The following ADAMTS3 variants were observed in gnomAD, a reference collection of about 807,000 sequenced individuals.
The protein encoded by ADAMTS3 is ADAM metallopeptidase with thrombospondin type 1 motif 3.
A neutral mutation model predicts 129.0 loss-of-function variants in ADAMTS3; 73 were observed. The observed-to-expected ratio is 0.57, with a 90% CI of 0.47 to 0.69. The LOEUF is 0.69. Ranked by LOEUF, ADAMTS3 falls within the 30% of genes least tolerant of loss-of-function variation. ADAMTS3 has a pLI of 0.00. For missense variants in ADAMTS3, 1,457 were observed against 1,514.5 expected (o/e 0.96, Z 0.63); for synonymous variants, 477 against 510.8 (o/e 0.93, Z 0.89).
At position 72,290,911 on chromosome 4, in the gene ADAMTS3, G is replaced by A. The variant is rs375983592; in HGVS notation, c.2875C>T (p.Arg959Trp). The change falls in exon 20 of 22, where the codon CGG (arginine) becomes TGG (tryptophan). Residue 959 changes from arginine (R) to tryptophan (W), a missense_variant. Arg to Trp is a moderately radical substitution (Grantham distance 101, BLOSUM62 -3). Coordinates refer to ENST00000286657, the MANE Select transcript of ADAMTS3 (RefSeq NM_014243.3). ...YCMGDRPESR[R>W]PCNRVPCPAQ... ...GGGCAGGGCACTCTGTTACAGGGCC[G>A]GCGGCTCTCGGGACGGTCACCCATG... The A allele has an allele frequency of 6.2e-6, 10 of 1,613,928 alleles. No homozygotes were observed. The highest frequency in any genetic ancestry group is 4.4e-5 in the South Asian group (4 of 91,082).
intron 4 of ADAMTS3, among the ~76,000 whole-genome samples, chr4:72,385,499 T>C (rs1042244732): frequency 1.3e-5 from 2 of 151,972 alleles, no homozygotes; most frequent in Non-Finnish European, 2.9e-5. Flanking sequence ...ATATCAATAA[T>C]TACATTAAGT....
At chr4:72,478,280 G>C (rs1719303688) in intron 3 of ADAMTS3, among the ~76,000 whole-genome samples, 1 of 151,780 alleles carries the variant, frequency 6.6e-6, no homozygotes, top group South Asian at 2.1e-4. Flanking sequence ...GAACATTGAT[G>C]CAAAAATCCT....
rs1721937898 is a variant in ADAMTS3 at position 72,402,017 on chromosome 4, C to G, written c.661+12798G>C. On this transcript the variant is annotated intron_variant, in intron 4 of 21. Coordinates refer to ENST00000286657, the MANE Select transcript of ADAMTS3 (RefSeq NM_014243.3). ...CTCATTGAATTAGTTATTATGAAAA[C>G]AGCATCAAGGTAATATATCACTATG... Among the ~76,000 whole-genome samples the G allele has an allele frequency of 2.6e-5, 4 of 152,282 alleles. No individual in the cohort carries two copies. In the South Asian group the frequency reaches 8.3e-4, roughly 32 times the overall value.
chr4:72,362,777 A>G (rs913878001), intron 4 of ADAMTS3, among the ~76,000 whole-genome samples: 22 of 152,134 alleles, frequency 1.4e-4, no homozygotes, highest in African/African-American at 5.1e-4. Context: ...TTTTAACAAC[A>G]GTTGTGAAAA....
In ADAMTS3 at chr4:72,283,193, T is replaced by A; in HGVS notation, c.3561A>T (p.Lys1187Asn). The change falls in exon 22 of 22, where the codon AAA becomes AAT. Residue 1187 changes from lysine (K) to asparagine (N), a missense_variant. Lys to Asn is a moderately conservative substitution (Grantham distance 94, BLOSUM62 0). Transcript: ENST00000286657. Reference protein sequence around the residue: ...GASSQARTSKKDGKIIDNRRP... With the variant: ...GASSQARTSKNDGKIIDNRRP... ...GTCTGTTGTCAATGATCTTTCCATC[T>A]TTCTTTGAGGTTCTTGCCTGAGAAG... 6 of 1,613,876 alleles carry A rather than the reference T, an allele frequency of 3.7e-6. No homozygotes were observed. The highest frequency in any genetic ancestry group is 5.1e-6 in the Non-Finnish European group (6 of 1,179,856).
At chr4:72,357,120 G>C (rs1720599758) in intron 4 of ADAMTS3, among the ~76,000 whole-genome samples, 1 of 151,820 alleles carries the variant, frequency 6.6e-6, no homozygotes, top group African/African-American at 2.4e-5. Flanking sequence ...ACAATATCAA[G>C]CACTGAATGA....
intron 3 of ADAMTS3, among the ~76,000 whole-genome samples, chr4:72,506,691 G>A (rs1056556636): frequency 1.3e-5 from 2 of 152,164 alleles, no homozygotes; most frequent in East Asian, 1.9e-4. Context: ...GAAACAGAGC[G>A]TTCTTCCTTG....
Position 72,311,130 on chromosome 4 carries a change from G to A in ADAMTS3, c.1973C>T (p.Ala658Val), listed in dbSNP as rs765749628. 9 of 1,612,446 alleles carry A rather than the reference G, an allele frequency of 5.6e-6. No homozygotes were observed. The highest frequency in any genetic ancestry group is 7.6e-6 in the Non-Finnish European group (9 of 1,178,968). The change falls in exon 14 of 22, where the codon GCT (alanine) becomes GTT (valine). Residue 658 changes from alanine to valine, a missense_variant. Ala to Val is a moderately conservative substitution (Grantham distance 64). Transcript: ENST00000286657. ...ATCATGCACCAGTTGTTTCATGTAAGCAACATCTCCAGTCTCCTTGGACTG... is the reference window on the plus strand; with the variant it reads ...ATCATGCACCAGTTGTTTCATGTAAACAACATCTCCAGTCTCCTTGGACTG... ...YCQSKETGDV[A>V]YMKQLVHDGT... is the part of the protein sequence containing the mutation.
At chr4:72,381,900 T>C (rs1721298982) in intron 4 of ADAMTS3, among the ~76,000 whole-genome samples, 1 of 152,184 alleles carries the variant, frequency 6.6e-6, no homozygotes, top group African/African-American at 2.4e-5. Context: ...GGATAGATCT[T>C]TGGGAATGGG....
At chr4:72,485,540 T>C (rs923925203) in intron 3 of ADAMTS3, among the ~76,000 whole-genome samples, 18 of 152,122 alleles carry the variant, frequency 1.2e-4, no homozygotes, top group African/African-American at 4.3e-4. Context: ...TGGAAAAATA[T>C]GTTCACAATA....
At chr4:72,407,487 C>G (rs190588546) in intron 4 of ADAMTS3, among the ~76,000 whole-genome samples, 12 of 152,162 alleles carry the variant, frequency 7.9e-5, no homozygotes, top group Admixed American at 5.2e-4. Flanking sequence ...AAAAACAAAA[C>G]CTGCCAAAGT....
rs528592885 is a variant in ADAMTS3 at position 72,545,197 on chromosome 4, G to T, written c.504+3281C>A. ...TACAGATTTTTAAAAAATGAAAAAG[G>T]CTTGACATATGTATGATTCTAGCCA... is the stretch of plus-strand genomic sequence containing the variant. On this transcript the variant is annotated intron_variant, in intron 3 of 21. Coordinates refer to ENST00000286657, the MANE Select transcript of ADAMTS3 (RefSeq NM_014243.3). Among the ~76,000 whole-genome samples, 8 of 152,094 alleles carry T rather than the reference G, an allele frequency of 5.3e-5. No homozygotes were observed. The South Asian group carries it at 1.7e-3, about 32-fold the overall frequency.
intron 3 of ADAMTS3, among the ~76,000 whole-genome samples, chr4:72,513,120 C>T (rs752119392): frequency 7.2e-5 from 11 of 152,160 alleles, no homozygotes; most frequent in Non-Finnish European, 1.5e-4. Flanking sequence ...AGAGTACCCA[C>T]GACTCCCATC....
At chr4:72,369,438 C>T (rs971617665) in intron 4 of ADAMTS3, among the ~76,000 whole-genome samples, 6 of 152,166 alleles carry the variant, frequency 3.9e-5, no homozygotes, top group Non-Finnish European at 7.4e-5. Flanking sequence ...TGACCGGGCG[C>T]GGTGGCTCAC....
intron 3 of ADAMTS3, among the ~76,000 whole-genome samples, chr4:72,514,520 G>C (rs1441722662): frequency 3.3e-5 from 5 of 152,148 alleles, no homozygotes; most frequent in South Asian, 4.1e-4. Context: ...TCTCGCAGAA[G>C]TTTTGTTAGA....
chr4:72,475,629 G>A (rs959688000), intron 3 of ADAMTS3, among the ~76,000 whole-genome samples: 3 of 151,136 alleles, frequency 2.0e-5, no homozygotes, highest in Admixed American at 2.0e-4. Flanking sequence ...GAATATAGAC[G>A]AACTCAACAC....
chr4:72,562,725 T>A (rs1461914265), intron 2 of ADAMTS3, among the ~76,000 whole-genome samples: 1 of 152,126 alleles, frequency 6.6e-6, no homozygotes, highest in African/African-American at 2.4e-5. Context: ...TGGGCACTTG[T>A]AAGACATCAA....
chr4:72,456,257 A>ATATATTTTATATATAGTATG, intron 3 of ADAMTS3, among the ~76,000 whole-genome samples: 1 of 143,350 alleles, frequency 7.0e-6, no homozygotes. Flanking sequence ...TATAGTATAT[A>ATATATTTTATATATAGTATG]TACTGTATAT....
At chr4:72,433,954 C>T (rs1722759198) in intron 3 of ADAMTS3, among the ~76,000 whole-genome samples, 1 of 151,784 alleles carries the variant, frequency 6.6e-6, no homozygotes, top group Non-Finnish European at 1.5e-5. Context: ...CAATCAAGTA[C>T]ATCAATGAAC....
Sources: allele counts gnomAD v4.1 joint callset (sites outside exome capture counted in the v4.1 genomes callset), GRCh38; gene constraint gnomAD v4.1.1; transcripts MANE v1.5; gene names NCBI Gene and HGNC (gene_info 2026-07-23, HGNC 2026-07-21).